The following PRPF38B variants were observed in gnomAD, a reference collection of about 807,000 sequenced individuals.
PRPF38B encodes pre-mRNA processing factor 38B, also known as pre-mRNA-splicing factor 38B.
A neutral mutation model predicts 67.2 loss-of-function variants in PRPF38B; 18 were observed. That is an observed-to-expected ratio of 0.27 (90% CI 0.19 to 0.40). PRPF38B has a LOEUF of 0.40. PRPF38B is among the 10% of genes least tolerant of loss of function. PRPF38B has a pLI of 1.00. For synonymous variants in PRPF38B, 246 were observed against 234.2 expected (o/e 1.05, Z -0.46); for missense variants, 544 against 684.9 (o/e 0.79, Z 2.30).
intron 1 of PRPF38B, chr1:108,693,660 T>C: frequency 1.0e-5 from 10 of 967,320 alleles, no homozygotes; most frequent in Non-Finnish European, 1.2e-5. Context: ...CTATTAATCA[T>C]GCTCAATCGC....
rs1659392810 is a variant in PRPF38B at position 108,692,450 on chromosome 1, TGCCCA to T, written c.-139_-135del. The T allele has an allele frequency of 9.7e-7, 1 of 1,029,850 alleles. No homozygotes were observed. The highest frequency in any genetic ancestry group is 1.6e-5 in the African/African-American group (1 of 61,706). 63.8% of individuals were successfully genotyped at this position (1,029,850 alleles called of 1,614,324 possible). A position where few individuals can be genotyped will look rare whatever the true frequency, so the allele number is the denominator to read the frequency against. ...TTTGTCGGCGTCGGGTGCCCTCTCT[TGCCCA>T]GCTGGGGCACAGCGAGGCGGCCCCT... is the stretch of plus-strand genomic sequence containing the variant. On this transcript the variant is annotated 5_prime_UTR_variant, in exon 1 of 6. Transcript: ENST00000370025.
intron 4 of PRPF38B, chr1:108,696,605 G>A (rs1659881182): frequency 4.8e-6 from 3 of 627,170 alleles, no homozygotes; most frequent in Non-Finnish European, 8.6e-6. Flanking sequence ...ATTATGTTCT[G>A]TGTATTGTAT....
chr1:108,692,771 C>G lies in PRPF38B; in HGVS notation c.180C>G (p.Pro60=). The change falls in exon 1 of 6, where the codon CCC becomes CCG. Residue 60 remains proline (P), a synonymous_variant. Transcript: ENST00000370025. ...WGNEKTMNLN[P]MILTNILSSP... is the part of the protein sequence containing the mutation. ...ACGAGAAGACCATGAACCTCAACCC[C>G]ATGATCCTGACCAACATCCTGTCGT... The G allele has an allele frequency of 6.2e-7, 1 of 1,614,174 alleles. No individual in the cohort carries two copies. The highest frequency in any genetic ancestry group is 8.5e-7 in the Non-Finnish European group (1 of 1,180,046).
chr1:108,698,502 T>G, intron 4 of PRPF38B, 102 bp from the exon 5 acceptor site: 1 of 890,354 alleles, frequency 1.1e-6, no homozygotes, highest in Non-Finnish European at 1.7e-6. Flanking sequence ...TCTGTTAGTT[T>G]TTTTTGTATT....
intron 1 of PRPF38B, among the ~76,000 whole-genome samples, chr1:108,693,201 T>C (rs1314213576): frequency 6.6e-6 from 1 of 152,188 alleles, no homozygotes; most frequent in African/African-American, 2.4e-5. Flanking sequence ...TTTAAAATTA[T>C]TCCTTTTGAC....
At position 108,698,805 on chromosome 1, in the gene PRPF38B, C is replaced by T; in HGVS notation, c.760C>T (p.His254Tyr). ...GGAAGGTGCTGAGGAAATAGACAGACATGTTGAACGCAGACGTTCAAGGTA... is the reference window on the plus strand; with the variant it reads ...GGAAGGTGCTGAGGAAATAGACAGATATGTTGAACGCAGACGTTCAAGGTA... ...GKEGAEEIDR[H>Y]VERRRSRSPR... Residue 254 changes from histidine (H) to tyrosine (Y), a missense_variant, in exon 5 of 6, where the codon CAT becomes TAT. Physicochemically the swap from His to Tyr is moderately conservative, Grantham distance 83 (BLOSUM62 2). This residue lies in a region of PRPF38B where 387 missense variants were observed against 386.1 expected (regional missense o/e 1.00). Transcript: ENST00000370025. 6.2e-7 allele frequency: 1 copy of T among 1,613,228 alleles called. No homozygotes were observed. Among genetic ancestry groups the T allele is most frequent in the East Asian group, 2.2e-5 (1 of 44,868 alleles).
intron 4 of PRPF38B, chr1:108,696,696 A>G: frequency 4.2e-6 from 3 of 715,864 alleles, no homozygotes; most frequent in Non-Finnish European, 2.6e-6. Flanking sequence ...AGATATGCAC[A>G]TAGAATACTA....
At chr1:108,695,609 G>A (rs1400703053) in intron 1 of PRPF38B, 93 bp from the exon 2 acceptor site, 21 of 1,204,110 alleles carry the variant, frequency 1.7e-5, no homozygotes, top group Non-Finnish European at 2.5e-5. Context: ...TTTTGGAAGA[G>A]CTGCTCTATT....
chr1:108,695,895 C>A (rs1659818496), intron 2 of PRPF38B, 125 bp downstream of exon 2: 1 of 1,352,328 alleles, frequency 7.4e-7, no homozygotes, highest in African/African-American at 1.5e-5. Context: ...TTCAAGTGTT[C>A]AGTGAAATAG....
intron 2 of PRPF38B, 52 bp from the exon 3 acceptor site, chr1:108,695,991 T>C: frequency 6.4e-7 from 1 of 1,566,998 alleles, no homozygotes; most frequent in Non-Finnish European, 8.7e-7. Flanking sequence ...CAATTGGTGT[T>C]AAGAGTCCGT....
chr1:108,693,639 A>G, intron 1 of PRPF38B: 5 of 978,084 alleles, frequency 5.1e-6, no homozygotes, highest in Non-Finnish European at 6.1e-6. Context: ...GGTCGCAGGT[A>G]GAGGTATGCA....
Position 108,700,276 on chromosome 1 carries a change from CTG to C in PRPF38B, c.*258_*259del. 2.1e-6 allele frequency: 1 copy of C among 487,090 alleles called. No homozygotes were observed. 30.2% of individuals were successfully genotyped at this position (487,090 alleles called of 1,614,324 possible). A position where few individuals can be genotyped will look rare whatever the true frequency, so the allele number is the denominator to read the frequency against. On this transcript the variant is annotated 3_prime_UTR_variant, in exon 6 of 6. Coordinates refer to ENST00000370025, the MANE Select transcript of PRPF38B (RefSeq NM_018061.4). ...ATTGTTTGTTTTTGAAATGTACAGT[CTG>C]TACATATGTCCTGAAAATGTTTTAA...
rs1223057347 is a variant in PRPF38B, at chr1:108,700,675, G to A, written c.*655G>A. On this transcript the variant is annotated 3_prime_UTR_variant, in exon 6 of 6. Coordinates refer to ENST00000370025, the MANE Select transcript of PRPF38B (RefSeq NM_018061.4). ...TGTGATTTCATCAAAAGTCCTTTTAGCATTCTACCTCAAAGGGACACTTAG... is the reference window on the plus strand; with the variant it reads ...TGTGATTTCATCAAAAGTCCTTTTAACATTCTACCTCAAAGGGACACTTAG... The A allele has an allele frequency of 6.6e-6, 1 of 152,570 alleles. No homozygotes were observed. Among genetic ancestry groups the A allele is most frequent in the East Asian group, 1.9e-4 (1 of 5,198 alleles). 9.5% of individuals were successfully genotyped at this position (152,570 alleles called of 1,614,324 possible).
rs1482912116 is a variant in PRPF38B at position 108,692,409 on chromosome 1, C to T, written c.-183C>T. The T allele has an allele frequency of 1.0e-5, 7 of 687,688 alleles. No homozygotes were observed. In the Middle Eastern group the frequency reaches 1.2e-3, roughly 120 times the overall value. 42.6% of individuals were successfully genotyped at this position (687,688 alleles called of 1,614,324 possible). On this transcript the variant is annotated 5_prime_UTR_variant, in exon 1 of 6. Coordinates refer to ENST00000370025, the MANE Select transcript of PRPF38B (RefSeq NM_018061.4). The stretch of plus-strand genomic sequence containing the variant: ...CGCGGTCTGGGTTTCGCTGTCTGCT[C>T]TTGGCCCGGGGTCATTTTGTCGGCG...
At position 108,699,490 on chromosome 1, in the gene PRPF38B, G is replaced by T; in HGVS notation, c.1111G>T (p.Asp371Tyr). ...AGGTAGAAGACGAGATCGTGACTAT[G>T]ATAAGGAAAGAGGAAATGAACGAGA... Reference protein sequence around the residue: ...ERGRRRDRDYDKERGNEREKE... With the variant: ...ERGRRRDRDYYKERGNEREKE... The change falls in exon 6 of 6, where the codon GAT (aspartate) becomes TAT (tyrosine). Residue 371 changes from aspartate (D) to tyrosine (Y), a missense_variant. Transcript: ENST00000370025. The T allele has an allele frequency of 6.3e-7, 1 of 1,590,974 alleles. No individual in the cohort carries two copies. Among genetic ancestry groups the T allele is most frequent in the Non-Finnish European group, 8.6e-7 (1 of 1,168,404 alleles).
At position 108,701,667 on chromosome 1, in the gene PRPF38B, A is replaced by G. The variant is rs1660510477; in HGVS notation, c.*1647A>G. 1 of 152,212 alleles carries G rather than the reference A, an allele frequency of 6.6e-6. No individual in the cohort carries two copies. Among genetic ancestry groups the G allele is most frequent in the African/African-American group, 2.4e-5 (1 of 41,440 alleles). 9.4% of individuals were successfully genotyped at this position (152,212 alleles called of 1,614,324 possible). ...ATCTCACTGGTTATACTGGCCAACTAATGCGCACTCAGAAGCCACCTTGCA... is the reference window on the plus strand; with the variant it reads ...ATCTCACTGGTTATACTGGCCAACTGATGCGCACTCAGAAGCCACCTTGCA... On this transcript the variant is annotated 3_prime_UTR_variant, in exon 6 of 6. Transcript: ENST00000370025.
Position 108,699,154 on chromosome 1 carries a change from T to C in PRPF38B, c.783-8T>C. The C allele has an allele frequency of 6.3e-7, 1 of 1,579,160 alleles. No homozygotes were observed. Among genetic ancestry groups the C allele is most frequent in the South Asian group, 1.2e-5 (1 of 86,286 alleles). On this transcript the variant is annotated splice_polypyrimidine_tract_variant and splice_region_variant and intron_variant, in intron 5 of 5. Transcript: ENST00000370025. ...TTGAAATTTTCTTTCTCCCTCCGCCTTCCTTAGGTCTCCAAGGAGATCTCT... is the reference window on the plus strand; with the variant it reads ...TTGAAATTTTCTTTCTCCCTCCGCCCTCCTTAGGTCTCCAAGGAGATCTCT...
chr1:108,693,681 T>TTTC (rs1371533726), intron 1 of PRPF38B: 2 of 940,314 alleles, frequency 2.1e-6, no homozygotes, highest in African/African-American at 3.5e-5. Context: ...CATAAATGCA[T>TTTC]TTCCCTGGTT....
chr1:108,696,869 T>A, intron 4 of PRPF38B: 1 of 645,484 alleles, frequency 1.5e-6, no homozygotes, highest in East Asian at 2.9e-5. Context: ...AAATTTTAAT[T>A]CCAGTTTTCT....
Sources: gnomAD v4.1 joint callset for allele counts (sites outside exome capture counted in the v4.1 genomes callset) on GRCh38, gnomAD v4.1.1 for gene constraint, gnomAD v4.1.1 regional missense constraint, MANE v1.5 for transcripts, NCBI Gene and HGNC (gene_info 2026-07-23, HGNC 2026-07-21) for gene names.